The following CDH22 variants were observed in gnomAD, a reference collection of about 807,000 sequenced individuals.
CDH22 encodes the protein cadherin-22.
CDH22 carries 30 observed loss-of-function variants against 58.4 expected under a neutral mutation model. The observed-to-expected ratio is 0.51, with a 90% CI of 0.38 to 0.70. The LOEUF (loss-of-function observed/expected upper bound fraction) is 0.70. Among genes scored for constraint, CDH22 ranks in the 30% least tolerant of loss-of-function variants. The pLI is 0.00. For synonymous variants in CDH22, 513 were observed against 558.2 expected, an observed-to-expected ratio of 0.92 and a Z score of 1.14; for missense variants, 1,014 against 1,233.9, an observed-to-expected ratio of 0.82 and a Z score of 2.67.
chr20:46,226,270 TCTTCTTCTTCTTCTTCTTCTTC>T (rs1395300256), intron 4 of CDH22, among the ~76,000 whole-genome samples: 1,717 of 10,048 alleles, frequency 0.17, 127 homozygotes, highest in Non-Finnish European at 0.22. Context: ...TTCTTCTTCT[TCTTCTTCTTCTTCTTCTTCTTC>T]TTTTTTTTTT....
intron 2 of CDH22, among the ~76,000 whole-genome samples, chr20:46,246,741 G>A (rs972082878): frequency 6.6e-6 from 1 of 152,134 alleles, no homozygotes; most frequent in African/African-American, 2.4e-5. Flanking sequence ...ACCGTCGGGC[G>A]CCCGGGGTTC....
rs963382660 is a variant in CDH22 at position 46,251,529 on chromosome 20, C to CG, written c.-236dup. 3.0e-6 allele frequency: 1 copy of CG among 336,416 alleles called. No individual in the cohort carries two copies. Among genetic ancestry groups the CG allele is most frequent in the African/African-American group, 2.2e-5 (1 of 46,058 alleles). 20.8% of individuals were successfully genotyped at this position (336,416 alleles called of 1,614,324 possible). The stretch of plus-strand genomic sequence containing the variant: ...CCGCATCCGGGGCATGGACAGCCCC[C>CG]GGGGTGCCCGCCCGCGCCCCCGTCG... On this transcript the variant is annotated 5_prime_UTR_variant, in exon 2 of 12. Transcript: ENST00000537909. This position sits in a 1 kb window ranked among gnomAD's most constrained non-coding sequence, Gnocchi z 6.7.
Position 46,174,429 on chromosome 20 carries a change from G to C in CDH22, c.*77C>G. 3.8e-6 allele frequency: 4 copies of C among 1,048,834 alleles called. No homozygotes were observed. Among genetic ancestry groups the C allele is most frequent in the Non-Finnish European group, 5.2e-6 (4 of 771,028 alleles). 65.0% of individuals were successfully genotyped at this position (1,048,834 alleles called of 1,614,324 possible). ...GGGGAGGGCAGGAAAGGGGGTCCGC[G>C]GGGGAAACGCGTTGTCCTGGGGCCC... is the stretch of plus-strand genomic sequence containing the variant. On this transcript the variant is annotated 3_prime_UTR_variant, in exon 12 of 12. Transcript: ENST00000537909. The surrounding 1 kb of genome is among the most constrained non-coding windows in gnomAD (Gnocchi z 4.4).
intron 11 of CDH22, among the ~76,000 whole-genome samples, chr20:46,176,328 G>T (rs560859426): frequency 3.0e-4 from 46 of 152,266 alleles, no homozygotes; most frequent in African/African-American, 1.0e-3. Context: ...ACGCCCTCTT[G>T]TTGACCAAGC....
chr20:46,245,335 T>C (rs2086320359), intron 2 of CDH22, among the ~76,000 whole-genome samples: 1 of 152,132 alleles, frequency 6.6e-6, no homozygotes, highest in Admixed American at 6.6e-5. Context: ...CCTCACCTGC[T>C]CCGTTCCTGC....
intron 4 of CDH22, among the ~76,000 whole-genome samples, chr20:46,226,282 TCTTCTTCTTC>T (rs2086173527): frequency 9.2e-3 from 24 of 2,612 alleles, no homozygotes; most frequent in Admixed American, 0.031. Context: ...TTCTTCTTCT[TCTTCTTCTTC>T]TTTTTTTTTT....
chr20:46,177,830 G>A, intron 11 of CDH22, 116 bp downstream of exon 11: 1 of 1,339,672 alleles, frequency 7.5e-7, no homozygotes, highest in South Asian at 1.4e-5. Flanking sequence ...GGTTTGGCCA[G>A]CCCATCCTCA....
chr20:46,282,578 CA>C (rs2086555764), intron 1 of CDH22, among the ~76,000 whole-genome samples: 1 of 152,056 alleles, frequency 6.6e-6, no homozygotes, highest in African/African-American at 2.4e-5. Context: ...ATAAAAACAC[CA>C]AATGCAATTC....
intron 1 of CDH22, among the ~76,000 whole-genome samples, chr20:46,264,857 A>C (rs571843911): frequency 6.7e-6 from 1 of 148,522 alleles, no homozygotes; most frequent in Non-Finnish European, 1.5e-5. Context: ...CACCGTGCAC[A>C]CACACACACC....
intron 1 of CDH22, among the ~76,000 whole-genome samples, chr20:46,257,641 A>G (rs1040450208): frequency 3.9e-5 from 6 of 152,166 alleles, no homozygotes; most frequent in Admixed American, 2.6e-4. Flanking sequence ...CAGTTTTTGG[A>G]CAGGTTAAAC....
chr20:46,257,209 T>C (rs2086410749), intron 1 of CDH22, among the ~76,000 whole-genome samples: 1 of 151,718 alleles, frequency 6.6e-6, no homozygotes, highest in Non-Finnish European at 1.5e-5. Context: ...CTCAGGAGTC[T>C]GAGGTGGAAA....
chr20:46,180,926 TTGTGTGTGTGTGTG>T (rs11471209), intron 10 of CDH22, among the ~76,000 whole-genome samples: 2 of 142,492 alleles, frequency 1.4e-5, no homozygotes, highest in African/African-American at 2.6e-5. Context: ...AAAGTTTGTT[TTGTGTGTGTGTGTG>T]TGTGTGTGTG....
chr20:46,210,841 C>T lies in CDH22; in HGVS notation c.1033-281G>A, dbSNP rs749724332. 1.1e-4 allele frequency among the ~76,000 whole-genome samples: 16 copies of T among 152,312 alleles called. No individual in the cohort carries two copies. Among genetic ancestry groups the T allele is most frequent in the Admixed American group, 2.0e-4 (3 of 15,304 alleles). ...TTCCTGCTTCCCAGCGCAGTGTTGG[C>T]GGCATATTTCATTAGTTTAGTTCAC... On this transcript the variant is annotated intron_variant, in intron 6 of 11. Coordinates refer to ENST00000537909, the MANE Select transcript of CDH22 (RefSeq NM_021248.3). The surrounding 1 kb of genome is among the most constrained non-coding windows in gnomAD (Gnocchi z 4.5).
In CDH22 at chr20:46,222,133, G is replaced by A. The variant is rs951786744; in HGVS notation, c.671-5140C>T. Among the ~76,000 whole-genome samples the A allele has an allele frequency of 1.1e-4, 17 of 152,224 alleles. 1 individual carries two copies. The highest frequency in any genetic ancestry group is 2.9e-5 in the Non-Finnish European group (2 of 68,040). ...TAGGGCTGTTGAGAGGACTGAATGA[G>A]AGGAAGCTTCCAGCAGCAGGCCTCA... On this transcript the variant is annotated intron_variant, in intron 4 of 11. Transcript: ENST00000537909.
chr20:46,220,697 G>C (rs904294815), intron 4 of CDH22: 1 of 152,124 alleles, frequency 6.6e-6, no homozygotes, highest in Non-Finnish European at 1.5e-5. Context: ...CCACGTGGCT[G>C]CCTTCTTTGC....
chr20:46,272,387 C>T (rs2086495699), intron 1 of CDH22, among the ~76,000 whole-genome samples: 1 of 152,076 alleles, frequency 6.6e-6, no homozygotes, highest in Non-Finnish European at 1.5e-5. Flanking sequence ...GTCTGGAACT[C>T]CAAGGAGAAA....
chr20:46,277,500 C>G (rs1172433047), intron 1 of CDH22, among the ~76,000 whole-genome samples: 2 of 152,144 alleles, frequency 1.3e-5, no homozygotes, highest in African/African-American at 4.8e-5. Flanking sequence ...TGGCTTTTTT[C>G]TCTATCGTTC....
At chr20:46,197,074 G>A (rs2085909235) in intron 8 of CDH22, among the ~76,000 whole-genome samples, 1 of 152,062 alleles carries the variant, frequency 6.6e-6, no homozygotes, top group Non-Finnish European at 1.5e-5. Flanking sequence ...TGGGATGGGG[G>A]TGGGGCTCAG....
chr20:46,237,043 T>C (rs1227300032), intron 3 of CDH22, among the ~76,000 whole-genome samples: 1 of 152,240 alleles, frequency 6.6e-6, no homozygotes, highest in African/African-American at 2.4e-5. Flanking sequence ...TGCTTGTCTC[T>C]GTCCTGACTC....
Sources: allele counts gnomAD v4.1 joint callset (sites outside exome capture counted in the v4.1 genomes callset), GRCh38; gene constraint gnomAD v4.1.1; non-coding constraint Gnocchi (gnomAD v3.1); transcripts MANE v1.5; gene names NCBI Gene and HGNC (gene_info 2026-07-23, HGNC 2026-07-21).